The following FUCA1 variants were observed in gnomAD, a reference collection of about 807,000 sequenced individuals.
The protein encoded by FUCA1 is alpha-L-fucosidase 1.
In FUCA1, 52 loss-of-function variants were observed where a neutral mutation model predicts 56.8. The ratio of observed to expected loss-of-function variants is 0.92; its 90% CI spans 0.73 to 1.15. FUCA1 has a LOEUF of 1.15. Ranked by LOEUF, FUCA1 falls within the 50% of genes most tolerant of loss-of-function variation. The pLI is 0.00. For synonymous variants in FUCA1, 230 were observed against 226.6 expected, an observed-to-expected ratio of 1.02 and a Z score of -0.14; for missense variants, 568 against 592.6, an observed-to-expected ratio of 0.96 and a Z score of 0.43.
intron 1 of FUCA1, among the ~76,000 whole-genome samples, chr1:23,866,061 C>T (rs1049240431): frequency 6.6e-6 from 1 of 152,194 alleles, no homozygotes; most frequent in African/African-American, 2.4e-5. Context: ...CCTGTAATCC[C>T]AGCACTTTGG....
intron 2 of FUCA1, 135 bp downstream of exon 2, chr1:23,865,356 A>G: frequency 9.1e-7 from 1 of 1,101,306 alleles, no homozygotes; most frequent in Non-Finnish European, 1.4e-6. Flanking sequence ...GAAAACACAC[A>G]GGAGTAGAAG....
rs752603565 is a variant in FUCA1, at chr1:23,867,936, C to A, written c.351G>T (p.Pro117=). The change falls in exon 1 of 8, where the codon CCG becomes CCT. Residue 117 remains proline, a synonymous_variant. Transcript: ENST00000374479. This position sits in a 1 kb window ranked among gnomAD's most constrained non-coding sequence, Gnocchi z 4.9. ...CCTGGAAGAGGTCGGCCCACTCCTC[C>A]GGGTGGAAGAAGCGCGCAGTGAACT... The part of the protein sequence containing the change: ...GPQFTARFFH[P]EEWADLFQAA... 3.2e-6 allele frequency: 5 copies of A among 1,563,234 alleles called. No homozygotes were observed. The highest frequency in any genetic ancestry group is 4.3e-6 in the Non-Finnish European group (5 of 1,154,600).
At chr1:23,864,682 C>G (rs1337114371) in intron 2 of FUCA1, among the ~76,000 whole-genome samples, 1 of 151,436 alleles carries the variant, frequency 6.6e-6, no homozygotes, top group Non-Finnish European at 1.5e-5. Flanking sequence ...TGACAGGAGT[C>G]AGCAAACTCT....
At chr1:23,855,983 T>C (rs1639381467) in intron 4 of FUCA1, among the ~76,000 whole-genome samples, 1 of 152,172 alleles carries the variant, frequency 6.6e-6, no homozygotes, top group South Asian at 2.1e-4. Context: ...GACAGATATG[T>C]GGACAATTAC....
At chr1:23,864,368 G>GT (rs1281105426) in intron 2 of FUCA1, among the ~76,000 whole-genome samples, 6 of 152,116 alleles carry the variant, frequency 3.9e-5, no homozygotes, top group East Asian at 1.9e-4. Flanking sequence ...GATTACAGGC[G>GT]TAAGTCACCA....
intron 4 of FUCA1, among the ~76,000 whole-genome samples, chr1:23,855,848 C>T (rs753585977): frequency 5.3e-5 from 8 of 152,112 alleles, no homozygotes; most frequent in Non-Finnish European, 1.2e-4. Flanking sequence ...CCTACCCATC[C>T]GCTTATTCAA....
chr1:23,852,948 C>T (rs1184133991), intron 5 of FUCA1, among the ~76,000 whole-genome samples: 1 of 142,818 alleles, frequency 7.0e-6, no homozygotes, highest in Non-Finnish European at 1.5e-5. Context: ...TCGTCTGGGA[C>T]GTGAGGAGCC....
In FUCA1 at chr1:23,845,381, G is replaced by A; in HGVS notation, c.*334C>T. 2.7e-6 allele frequency: 1 copy of A among 372,078 alleles called. No homozygotes were observed. Among genetic ancestry groups the A allele is most frequent in the South Asian group, 2.2e-5 (1 of 44,960 alleles). 23.0% of individuals were successfully genotyped at this position (372,078 alleles called of 1,614,324 possible). A position where few individuals can be genotyped will look rare whatever the true frequency, so the allele number is the denominator to read the frequency against. ...CTCCCATAGGCAACAGGGTGACTTGGCTTAAAGGCATTGAGTAAGCAAGTA... is the reference window on the plus strand; with the variant it reads ...CTCCCATAGGCAACAGGGTGACTTGACTTAAAGGCATTGAGTAAGCAAGTA... On this transcript the variant is annotated 3_prime_UTR_variant, in exon 8 of 8. Transcript: ENST00000374479.
In FUCA1 at chr1:23,848,845, G is replaced by A; in HGVS notation, c.970-6C>T. The stretch of plus-strand genomic sequence containing the variant: ...CTTACTGTCTGAACCAGTTCCTGGA[G>A]AGAACAGAAACAATGAAAGTCTAGC... On this transcript the variant is annotated splice_region_variant and splice_polypyrimidine_tract_variant and intron_variant, in intron 5 of 7. Transcript: ENST00000374479. 2.5e-6 allele frequency: 4 copies of A among 1,613,192 alleles called. No individual in the cohort carries two copies. Among genetic ancestry groups the A allele is most frequent in the Non-Finnish European group, 2.5e-6 (3 of 1,179,210 alleles).
At chr1:23,860,540 C>A (rs1639484685) in intron 3 of FUCA1, among the ~76,000 whole-genome samples, 1 of 147,580 alleles carries the variant, frequency 6.8e-6, no homozygotes, top group African/African-American at 2.5e-5. Flanking sequence ...GCCGAGATTG[C>A]GCCACTGCAC....
chr1:23,860,897 G>A (rs1254816882), intron 3 of FUCA1, among the ~76,000 whole-genome samples: 6 of 151,736 alleles, frequency 4.0e-5, no homozygotes, highest in Non-Finnish European at 7.4e-5. Context: ...CCTCGGCTTC[G>A]CAAAGTGCTG....
In FUCA1 at chr1:23,845,541, T is replaced by C. The variant is rs1230417011; in HGVS notation, c.*174A>G. The stretch of plus-strand genomic sequence containing the variant: ...ATATAATCACAATGGATCTCAGATC[T>C]TTGGTCCATTTAGACATCAGGGTAA... On this transcript the variant is annotated 3_prime_UTR_variant, in exon 8 of 8. Coordinates refer to ENST00000374479, the MANE Select transcript of FUCA1 (RefSeq NM_000147.5). The C allele has an allele frequency of 2.8e-6, 2 of 713,954 alleles. No individual in the cohort carries two copies. The highest frequency in any genetic ancestry group is 4.8e-6 in the Non-Finnish European group (2 of 412,672). 44.2% of individuals were successfully genotyped at this position (713,954 alleles called of 1,614,324 possible). A position where few individuals can be genotyped will look rare whatever the true frequency, so the allele number is the denominator to read the frequency against.
rs980153372 is a variant in FUCA1 at position 23,867,899 on chromosome 1, T to C, written c.388A>G (p.Lys130Glu). Residue 130 changes from lysine to glutamate, a missense_variant and splice_region_variant, in exon 1 of 8, where the codon AAG becomes GAG. Coordinates refer to ENST00000374479, the MANE Select transcript of FUCA1 (RefSeq NM_000147.5). The surrounding 1 kb of genome is among the most constrained non-coding windows in gnomAD (Gnocchi z 4.9). Reference protein sequence around the residue: ...WADLFQAAGAKYVVLTTKHHE... With the variant: ...WADLFQAAGAEYVVLTTKHHE... ...GCCGCTCCCCGGGACCACACTCACT[T>C]GGCGCCCGCGGCCTGGAAGAGGTCG... 1.3e-6 allele frequency: 2 copies of C among 1,547,208 alleles called. No individual in the cohort carries two copies. The highest frequency in any genetic ancestry group is 1.7e-6 in the Non-Finnish European group (2 of 1,146,140).
chr1:23,851,045 T>C (rs1639245214), intron 5 of FUCA1, among the ~76,000 whole-genome samples: 1 of 152,088 alleles, frequency 6.6e-6, no homozygotes, highest in Non-Finnish European at 1.5e-5. Context: ...TCCTAAAGTG[T>C]TGGCATTACA....
intron 2 of FUCA1, 24 bp from the exon 3 acceptor site, chr1:23,863,295 A>T: frequency 6.2e-7 from 1 of 1,609,404 alleles, no homozygotes; most frequent in Non-Finnish European, 8.5e-7. Context: ...ACAGAACAGC[A>T]ACTGTCATTA....
chr1:23,854,360 C>G lies in FUCA1; in HGVS notation c.969G>C (p.Ser323=), dbSNP rs759796952. 1.2e-6 allele frequency: 2 copies of G among 1,613,410 alleles called. No individual in the cohort carries two copies. Among genetic ancestry groups the G allele is most frequent in the South Asian group, 2.2e-5 (2 of 91,022 alleles). The change falls in exon 5 of 8, where the codon TCG becomes TCC. Residue 323 remains serine, a splice_region_variant and synonymous_variant. Transcript: ENST00000374479. ...ACAAAAAACTCAAAGGTGCTCTTACCGAAATGATTTCAGATTCTTCTGTAA... is the reference window on the plus strand; with the variant it reads ...ACAAAAAACTCAAAGGTGCTCTTACGGAAATGATTTCAGATTCTTCTGTAA... The part of the protein sequence containing the change: ...SDVTEESEII[S]ELVQTVSLGG...
chr1:23,852,974 C>T (rs1427101811), intron 5 of FUCA1, among the ~76,000 whole-genome samples: 1 of 150,582 alleles, frequency 6.6e-6, no homozygotes, highest in Non-Finnish European at 1.5e-5. Flanking sequence ...GCCTGGCTAC[C>T]CAGTCTGGAA....
chr1:23,846,833 C>T (rs942965916), intron 6 of FUCA1, among the ~76,000 whole-genome samples: 10 of 151,896 alleles, frequency 6.6e-5, no homozygotes, highest in South Asian at 4.2e-4. Flanking sequence ...CCACCCGCCT[C>T]GGCCTCCCAA....
chr1:23,849,791 C>T (rs1456570844), intron 5 of FUCA1, among the ~76,000 whole-genome samples: 1 of 151,386 alleles, frequency 6.6e-6, no homozygotes, highest in Non-Finnish European at 1.5e-5. Context: ...CTATGTTGGC[C>T]AGGCTGGTCT....
Sources: gnomAD v4.1 joint callset for allele counts (sites outside exome capture counted in the v4.1 genomes callset) on GRCh38, gnomAD v4.1.1 for gene constraint, Gnocchi (gnomAD v3.1) non-coding constraint, MANE v1.5 for transcripts, NCBI Gene and HGNC (gene_info 2026-07-23, HGNC 2026-07-21) for gene names.